PSPH: variants seen among roughly 807,000 people sequenced by gnomAD.
PSPH encodes L-3-phosphoserine phosphatase.
In PSPH, 16 loss-of-function variants were observed where a neutral mutation model predicts 23.4. The observed-to-expected ratio is 0.68, with a 90% confidence interval of 0.46 to 1.04. The LOEUF is 1.04. PSPH is among the 50% of genes least tolerant of loss of function. PSPH has a pLI of 0.00. For missense variants in PSPH, 223 were observed against 273.7 expected (o/e 0.81, Z 1.31); for synonymous variants, 68 against 99.7 (o/e 0.68, Z 1.89).
intron 3 of PSPH, 125 bp downstream of exon 3, chr7:56,031,804 A>T (rs1328559892): frequency 6.5e-6 from 1 of 153,298 alleles, no homozygotes; most frequent in East Asian, 1.9e-4. Flanking sequence ...ACAAAGCAAG[A>T]CTCTGTCTCA....
chr7:56,013,089 A>G (rs1196733330), intron 7 of PSPH, among the ~76,000 whole-genome samples: 2 of 134,642 alleles, frequency 1.5e-5, no homozygotes, highest in African/African-American at 5.5e-5. Flanking sequence ...ATATACACAC[A>G]TATATATACA....
chr7:56,049,277 T>G (rs1793672072), intron 1 of PSPH, among the ~76,000 whole-genome samples: 1 of 151,978 alleles, frequency 6.6e-6, no homozygotes, highest in Non-Finnish European at 1.5e-5. Context: ...CTTAATGCTC[T>G]CCCTCCCCTT....
chr7:56,021,038 T>C (rs765831387), intron 4 of PSPH, 35 bp downstream of exon 4: 3 of 1,613,814 alleles, frequency 1.9e-6, no homozygotes, highest in South Asian at 2.2e-5. Flanking sequence ...AGAAAGTCTT[T>C]ATCATTTCAT....
At chr7:56,046,389 C>T (rs1248738582) in intron 1 of PSPH, among the ~76,000 whole-genome samples, 8 of 151,910 alleles carry the variant, frequency 5.3e-5, no homozygotes, top group African/African-American at 1.4e-4. Context: ...CTGCCCACCT[C>T]GGTGTTTTAT....
intron 3 of PSPH, among the ~76,000 whole-genome samples, chr7:56,025,017 T>C (rs1789996515): frequency 6.6e-6 from 1 of 151,820 alleles, no homozygotes; most frequent in South Asian, 2.1e-4. Context: ...TTGGCCTGTC[T>C]GGTCTCGAAC....
intron 1 of PSPH, among the ~76,000 whole-genome samples, chr7:56,044,224 G>A (rs1454724875): frequency 6.6e-6 from 1 of 152,148 alleles, no homozygotes; most frequent in Non-Finnish European, 1.5e-5. Flanking sequence ...TTACAGGCAT[G>A]AGCCACTGTG....
At chr7:56,026,692 C>G (rs1250699971) in intron 3 of PSPH, among the ~76,000 whole-genome samples, 1 of 151,532 alleles carries the variant, frequency 6.6e-6, no homozygotes, top group African/African-American at 2.4e-5. Flanking sequence ...TTTGGTCCAG[C>G]AGAAATCAAG....
At chr7:56,030,776 G>A (rs1377582611) in intron 3 of PSPH, among the ~76,000 whole-genome samples, 1 of 152,110 alleles carries the variant, frequency 6.6e-6, no homozygotes, top group Non-Finnish European at 1.5e-5. Context: ...GTGGGCACCT[G>A]TAATCCCAGC....
At chr7:56,049,352 G>A (rs1284115056) in intron 1 of PSPH, among the ~76,000 whole-genome samples, 1 of 152,074 alleles carries the variant, frequency 6.6e-6, no homozygotes, top group Non-Finnish European at 1.5e-5. Flanking sequence ...CATGGGAAAT[G>A]TTTCAAAAGT....
intron 2 of PSPH, among the ~76,000 whole-genome samples, chr7:56,032,731 G>GC (rs1344400091): frequency 6.6e-6 from 1 of 151,952 alleles, no homozygotes; most frequent in Non-Finnish European, 1.5e-5. Flanking sequence ...AGGGAGGACT[G>GC]CTTGAGCCCA....
chr7:56,015,304 C>T, intron 6 of PSPH, 133 bp from the exon 7 acceptor site: 1 of 888,522 alleles, frequency 1.1e-6, no homozygotes, highest in Non-Finnish European at 1.9e-6. Context: ...AGTCACACAG[C>T]CTGGAGCTCC....
intron 3 of PSPH, among the ~76,000 whole-genome samples, chr7:56,027,031 C>A (rs1038192892): frequency 6.6e-6 from 1 of 151,752 alleles, no homozygotes; most frequent in Non-Finnish European, 1.5e-5. Context: ...CATGGTGAAA[C>A]CCCGTCTCTA....
rs1185126926 is a variant in PSPH, at chr7:56,028,234, CT to C, written c.-20+3694del. Among the ~76,000 whole-genome samples, 3 of 151,860 alleles carry C rather than the reference CT, an allele frequency of 2.0e-5. No individual in the cohort carries two copies. The Admixed American group carries it at 2.0e-4, about 10-fold the overall frequency. On this transcript the variant is annotated intron_variant, in intron 3 of 7. Transcript: ENST00000275605. ...CAAGGAGAAAACAGAATATTTTTGG[CT>C]TTTTTTAGAGACAAGGTCTCACTCT...
intron 1 of PSPH, among the ~76,000 whole-genome samples, chr7:56,045,381 T>C (rs545597173): frequency 1.3e-5 from 2 of 152,070 alleles, no homozygotes; most frequent in African/African-American, 4.8e-5. Flanking sequence ...GTGGATCACT[T>C]GAGCCCAGAA....
At chr7:56,047,432 TG>T (rs1793397106) in intron 1 of PSPH, among the ~76,000 whole-genome samples, 1 of 151,722 alleles carries the variant, frequency 6.6e-6, no homozygotes, top group Non-Finnish European at 1.5e-5. Flanking sequence ...TAGTAGGCAT[TG>T]TTATGATGAA....
At chr7:56,029,439 T>A (rs980725850) in intron 3 of PSPH, among the ~76,000 whole-genome samples, 1 of 147,960 alleles carries the variant, frequency 6.8e-6, no homozygotes, top group African/African-American at 2.5e-5. Context: ...ACAGAACTTC[T>A]GCCTGGCTGG....
chr7:56,033,341 T>G (rs1200264393), intron 2 of PSPH: 1 of 151,278 alleles, frequency 6.6e-6, no homozygotes, highest in Non-Finnish European at 1.5e-5. Flanking sequence ...CTACTAAAAA[T>G]ACAAAAATTA....
At chr7:56,038,520 G>A (rs1792044112) in intron 1 of PSPH, among the ~76,000 whole-genome samples, 1 of 151,878 alleles carries the variant, frequency 6.6e-6, no homozygotes, top group Admixed American at 6.6e-5. Context: ...AATCCCACCT[G>A]AGGAAGACAC....
intron 1 of PSPH, among the ~76,000 whole-genome samples, chr7:56,035,555 C>T (rs934206929): frequency 3.3e-5 from 5 of 152,074 alleles, no homozygotes; most frequent in African/African-American, 1.2e-4. Context: ...AGGATGCAAT[C>T]CCTGGGGCAG....
Sources: allele counts gnomAD v4.1 joint callset (sites outside exome capture counted in the v4.1 genomes callset), GRCh38; gene constraint gnomAD v4.1.1; transcripts MANE v1.5; gene names NCBI Gene and HGNC (gene_info 2026-07-23, HGNC 2026-07-21).